The following DOCK5 variants were observed in gnomAD, a reference collection of about 807,000 sequenced individuals.
DOCK5 encodes the protein dedicator of cytokinesis 5.
DOCK5 carries 142 observed loss-of-function variants against 251.8 expected under a neutral mutation model. The ratio of observed to expected loss-of-function variants is 0.56; its 90% CI spans 0.49 to 0.65. The LOEUF (loss-of-function observed/expected upper bound fraction) is 0.65, where lower values mean the gene tolerates loss of function less well. DOCK5 is among the 30% of genes least tolerant of loss of function. The pLI, the probability that DOCK5 is intolerant of heterozygous loss-of-function variation, is 0.00. For missense variants in DOCK5, 2,111 were observed against 2,312.3 expected (o/e 0.91, Z 1.79); for synonymous variants, 842 against 835.5 (o/e 1.01, Z -0.13).
At chr8:25,345,700 G>A in intron 26 of DOCK5, 89 bp downstream of exon 26, 2 of 1,547,090 alleles carry the variant, frequency 1.3e-6, no homozygotes, top group South Asian at 1.2e-5. Context: ...CCTATTCTCA[G>A]GTAGTTTCCA....
intron 1 of DOCK5, among the ~76,000 whole-genome samples, chr8:25,203,547 C>G (rs746170753): frequency 7.2e-5 from 11 of 152,284 alleles, no homozygotes; most frequent in Non-Finnish European, 1.5e-4. Flanking sequence ...TTGCTCAGTT[C>G]CGATTCTGAC....
chr8:25,349,182 A>G (rs537864930), intron 26 of DOCK5, among the ~76,000 whole-genome samples: 1 of 152,356 alleles, frequency 6.6e-6, no homozygotes, highest in South Asian at 2.1e-4. Context: ...TAGCCATACC[A>G]TAATTGAGAA....
intron 27 of DOCK5, among the ~76,000 whole-genome samples, chr8:25,356,581 C>T (rs1313074377): frequency 6.6e-6 from 1 of 152,098 alleles, no homozygotes; most frequent in East Asian, 1.9e-4. Flanking sequence ...ATGTGAGGAT[C>T]GCTTGAGCCC....
At chr8:25,283,212 G>C (rs769314481) in intron 5 of DOCK5, among the ~76,000 whole-genome samples, 1 of 152,148 alleles carries the variant, frequency 6.6e-6, no homozygotes, top group Non-Finnish European at 1.5e-5. Context: ...GACTCCCCCC[G>C]TGGTCTCTCT....
intron 2 of DOCK5, among the ~76,000 whole-genome samples, chr8:25,250,315 T>C (rs1032173289): frequency 2.6e-5 from 4 of 152,220 alleles, no homozygotes; most frequent in Non-Finnish European, 5.9e-5. Flanking sequence ...GCTCATCCGT[T>C]ACAGGTCTCC....
intron 1 of DOCK5, among the ~76,000 whole-genome samples, chr8:25,202,741 AAG>A (rs1444626189): frequency 1.3e-5 from 2 of 152,220 alleles, no homozygotes; most frequent in Non-Finnish European, 1.5e-5. Flanking sequence ...TAGGCACAGT[AAG>A]AGGTTATCAA....
intron 10 of DOCK5, among the ~76,000 whole-genome samples, chr8:25,302,919 GGGAGTTAGTGTTT>G (rs947393241): frequency 6.6e-6 from 1 of 152,176 alleles, no homozygotes; most frequent in African/African-American, 2.4e-5. Context: ...AGGGGGAATG[GGGAGTTAGTGTTT>G]AATGGGTACG....
chr8:25,240,612 A>G (rs975944684), intron 1 of DOCK5, among the ~76,000 whole-genome samples: 2 of 152,216 alleles, frequency 1.3e-5, no homozygotes, highest in Non-Finnish European at 2.9e-5. Flanking sequence ...TTTGAGGTTC[A>G]TTCACGTTGC....
chr8:25,290,389 G>T (rs913219719), intron 5 of DOCK5, among the ~76,000 whole-genome samples: 1 of 152,182 alleles, frequency 6.6e-6, no homozygotes, highest in African/African-American at 2.4e-5. Context: ...TGCATTCAAA[G>T]CCATCCAGGG....
chr8:25,382,626 A>G lies in DOCK5; in HGVS notation c.4027-48A>G, dbSNP rs368481300. ...AAAGTCTGACTTTTTTTTTCCCCCA[A>G]CTGTGTACTTATAACCTCCCCTTGG... is the stretch of plus-strand genomic sequence containing the variant. On this transcript the variant is annotated intron_variant, in intron 39 of 51. Transcript: ENST00000276440. 1.7e-5 allele frequency: 24 copies of G among 1,449,898 alleles called. No homozygotes were observed. The African/African-American group carries it at 2.7e-4, about 16-fold the overall frequency. The allele number at this position is 1,449,898 out of a possible 1,614,324, so 89.8% of individuals were successfully genotyped here.
In DOCK5 at chr8:25,292,729, C is replaced by A. The variant is rs1005574963; in HGVS notation, c.470+557C>A. ...CTCCAGCCTGGGCAACAGAGTGAGACCCTGTCTCACAAACTAAACTAAACT... is the reference window on the plus strand; with the variant it reads ...CTCCAGCCTGGGCAACAGAGTGAGAACCTGTCTCACAAACTAAACTAAACT... On this transcript the variant is annotated intron_variant, in intron 6 of 51. Coordinates refer to ENST00000276440, the MANE Select transcript of DOCK5 (RefSeq NM_024940.8). 2.6e-5 allele frequency among the ~76,000 whole-genome samples: 4 copies of A among 152,266 alleles called. No homozygotes were observed. In the East Asian group the frequency reaches 7.7e-4, roughly 29 times the overall value.
intron 28 of DOCK5, among the ~76,000 whole-genome samples, chr8:25,362,184 G>T (rs1401152176): frequency 1.3e-5 from 2 of 152,152 alleles, no homozygotes; most frequent in Admixed American, 6.5e-5. Flanking sequence ...CGTCCCTGGC[G>T]CAGGAAGAGT....
chr8:25,394,081 T>C (rs542579449), intron 44 of DOCK5, among the ~76,000 whole-genome samples: 1 of 152,088 alleles, frequency 6.6e-6, no homozygotes, highest in Non-Finnish European at 1.5e-5. Context: ...AATAGCAGTA[T>C]GTGGTGGCAT....
chr8:25,310,983 T>G (rs1715587734), intron 13 of DOCK5, among the ~76,000 whole-genome samples: 1 of 152,226 alleles, frequency 6.6e-6, no homozygotes, highest in Non-Finnish European at 1.5e-5. Flanking sequence ...TTTCTTGTTA[T>G]GACATCCCCA....
intron 27 of DOCK5, among the ~76,000 whole-genome samples, chr8:25,358,692 T>C (rs1800621648): frequency 6.6e-6 from 1 of 152,222 alleles, no homozygotes; most frequent in Non-Finnish European, 1.5e-5. Context: ...ACATCTTCAC[T>C]GGTAATCTCA....
chr8:25,278,099 G>T (rs1003400373), intron 4 of DOCK5, among the ~76,000 whole-genome samples: 1 of 152,144 alleles, frequency 6.6e-6, no homozygotes, highest in African/African-American at 2.4e-5. Context: ...AAGGGGTGCT[G>T]CCTCCGTATC....
chr8:25,406,311 A>G (rs1012485131), intron 48 of DOCK5, among the ~76,000 whole-genome samples: 4 of 152,190 alleles, frequency 2.6e-5, no homozygotes, highest in African/African-American at 9.7e-5. Flanking sequence ...GTTGTGACCT[A>G]CTGCTTAATT....
chr8:25,206,583 C>A (rs912767304), intron 1 of DOCK5, among the ~76,000 whole-genome samples: 37 of 152,146 alleles, frequency 2.4e-4, no homozygotes, highest in African/African-American at 8.4e-4. Context: ...AGTTACAGTA[C>A]CTGCCTGCCC....
intron 5 of DOCK5, among the ~76,000 whole-genome samples, chr8:25,284,517 A>G (rs1804281964): frequency 6.6e-6 from 1 of 152,164 alleles, no homozygotes; most frequent in African/African-American, 2.4e-5. Context: ...GCCCCGTAGT[A>G]ACTTAACTAG....
Sources: gnomAD v4.1 joint callset for allele counts (sites outside exome capture counted in the v4.1 genomes callset) on GRCh38, gnomAD v4.1.1 for gene constraint, MANE v1.5 for transcripts, NCBI Gene and HGNC (gene_info 2026-07-23, HGNC 2026-07-21) for gene names.